NIBAN2: variants seen among roughly 807,000 people sequenced by gnomAD.
The protein encoded by NIBAN2 is protein Niban 2.
In NIBAN2, 36 loss-of-function variants were observed where a neutral mutation model predicts 81.8. That is an observed-to-expected ratio of 0.44 (90% CI 0.34 to 0.58). The LOEUF (loss-of-function observed/expected upper bound fraction) is 0.58, where lower values mean the gene tolerates loss of function less well. NIBAN2 is among the 20% of genes least tolerant of loss of function. NIBAN2 has a pLI of 0.02. For missense variants in NIBAN2, 897 were observed against 1,014.1 expected, an observed-to-expected ratio of 0.88 and a Z score of 1.57; for synonymous variants, 445 against 441.6, an observed-to-expected ratio of 1.01 and a Z score of -0.10.
Position 127,517,967 on chromosome 9 carries a change from G to A in NIBAN2, c.590-26C>T. The stretch of plus-strand genomic sequence containing the variant: ...CTGCCCAGGAGACGGAGGGAGAGAG[G>A]AGGTCAGCAGATGGCCCAGTGGCCT... On this transcript the variant is annotated intron_variant, in intron 5 of 13. Transcript: ENST00000373312. This position sits in a 1 kb window ranked among gnomAD's most constrained non-coding sequence, Gnocchi z 4.0. The A allele has an allele frequency of 6.6e-7, 1 of 1,505,062 alleles. No homozygotes were observed. Among genetic ancestry groups the A allele is most frequent in the Non-Finnish European group, 9.0e-7 (1 of 1,106,014 alleles). 93.2% of individuals were successfully genotyped at this position (1,505,062 alleles called of 1,614,324 possible).
At chr9:127,519,419 C>T (rs1836894290) in intron 5 of NIBAN2, among the ~76,000 whole-genome samples, 1 of 152,166 alleles carries the variant, frequency 6.6e-6, no homozygotes, top group Admixed American at 6.5e-5. Flanking sequence ...AGCAGGCAGA[C>T]TCCCCTGGCC....
intron 1 of NIBAN2, among the ~76,000 whole-genome samples, chr9:127,574,964 A>G (rs1382266469): frequency 6.6e-6 from 1 of 152,168 alleles, no homozygotes; most frequent in Non-Finnish European, 1.5e-5. Context: ...AGTCCAGGGA[A>G]CTGGCCTCCC....
chr9:127,540,256 AG>A, intron 1 of NIBAN2, among the ~76,000 whole-genome samples: 1 of 152,326 alleles, frequency 6.6e-6, no homozygotes, highest in East Asian at 1.9e-4. Context: ...GGGAGGCCCC[AG>A]GGTGGCCTGG....
intron 8 of NIBAN2, among the ~76,000 whole-genome samples, chr9:127,514,057 T>C (rs1836781577): frequency 1.3e-5 from 2 of 152,122 alleles, no homozygotes; most frequent in Admixed American, 6.5e-5. Flanking sequence ...TCACTTGACG[T>C]CAGGAGTTTG....
chr9:127,516,522 C>T (rs2132163776), intron 8 of NIBAN2, among the ~76,000 whole-genome samples: 2 of 152,290 alleles, frequency 1.3e-5, no homozygotes, highest in Middle Eastern at 6.8e-3. Flanking sequence ...ACATTCCAGC[C>T]TGGGTGACAG....
intron 1 of NIBAN2, among the ~76,000 whole-genome samples, chr9:127,542,562 G>A (rs1045754030): frequency 5.2e-5 from 8 of 152,384 alleles, no homozygotes; most frequent in Middle Eastern, 3.4e-3. Flanking sequence ...CGGAAACGGA[G>A]GCTGACATCG....
chr9:127,573,806 T>C (rs1305974395), upstream of NIBAN2, among the ~76,000 whole-genome samples: 1 of 152,122 alleles, frequency 6.6e-6, no homozygotes, highest in African/African-American at 2.4e-5. Flanking sequence ...TACAGGCACC[T>C]GCCACCACGC....
rs1380528072 is a variant in NIBAN2, at chr9:127,559,385, T to C, written c.55+9435A>G. Among the ~76,000 whole-genome samples, 9 of 152,128 alleles carry C rather than the reference T, an allele frequency of 5.9e-5. No homozygotes were observed. Among genetic ancestry groups the C allele is most frequent in the African/African-American group, 1.7e-4 (7 of 41,432 alleles). On this transcript the variant is annotated intron_variant, in intron 1 of 13. Transcript: ENST00000373312. The surrounding 1 kb of genome is among the most constrained non-coding windows in gnomAD (Gnocchi z 4.0). ...TGGAAGTGCATGCCCGTTGCACAGA[T>C]AGGCAAAGTGAGGAGGAGGCACAGA...
rs1836710448 is a variant in NIBAN2, at chr9:127,510,287, C to A, written c.1020G>T (p.Gln340His). 1 of 1,613,954 alleles carries A rather than the reference C, an allele frequency of 6.2e-7. No homozygotes were observed. Among genetic ancestry groups the A allele is most frequent in the African/African-American group, 1.3e-5 (1 of 74,930 alleles). The change falls in exon 9 of 14, where the codon CAG (glutamine) becomes CAT (histidine). Residue 340 changes from glutamine (Q) to histidine (H), a missense_variant. Physicochemically the swap from Gln to His is conservative, Grantham distance 24. Coordinates refer to ENST00000373312, the MANE Select transcript of NIBAN2 (RefSeq NM_022833.4). ...CCTCCAGGATGGATGGGATGTAGGG[C>A]TGGACATGGTTCCGCACGCACACCT... The part of the protein sequence containing the change: ...KAEVCVRNHV[Q>H]PYIPSILEAL...
intron 1 of NIBAN2, among the ~76,000 whole-genome samples, chr9:127,540,532 T>C (rs1166881694): frequency 6.6e-6 from 1 of 152,170 alleles, no homozygotes; most frequent in Non-Finnish European, 1.5e-5. Flanking sequence ...CCCCGATTCT[T>C]CAACTCAACC....
intron 1 of NIBAN2, among the ~76,000 whole-genome samples, chr9:127,565,965 C>G (rs1837852323): frequency 6.6e-6 from 1 of 150,686 alleles, no homozygotes; most frequent in Non-Finnish European, 1.5e-5. Flanking sequence ...CACACACACA[C>G]ACACACACAC....
At chr9:127,560,682 C>G (rs185923523) in intron 1 of NIBAN2, among the ~76,000 whole-genome samples, 1 of 152,176 alleles carries the variant, frequency 6.6e-6, no homozygotes, top group Non-Finnish European at 1.5e-5. Flanking sequence ...TGTGTAGCTG[C>G]GTGTCCCTGG....
intron 1 of NIBAN2, among the ~76,000 whole-genome samples, chr9:127,542,483 C>T (rs1413361691): frequency 6.6e-6 from 1 of 152,208 alleles, no homozygotes; most frequent in African/African-American, 2.4e-5. Flanking sequence ...CAGGCCAGAC[C>T]CACCCCCAAA....
rs1554768666 is a variant in NIBAN2, at chr9:127,552,694, T to TTG, written c.55+16125_55+16126insCA. 1.3e-3 allele frequency among the ~76,000 whole-genome samples: 184 copies of TTG among 141,732 alleles called. 1 individual carries two copies. Among genetic ancestry groups the TTG allele is most frequent in the African/African-American group, 4.4e-3 (166 of 37,936 alleles). 93.0% of individuals were successfully genotyped at this position (141,732 alleles called of 152,430 possible). Reference sequence around the variant, plus strand: ...CGTAATGGAATATTCGTTTTTTTTTTTTTTTTTTTTTTGAGACAGAGTCTT... The same window carrying TTG: ...CGTAATGGAATATTCGTTTTTTTTTTTGTTTTTTTTTTTTGAGACAGAGTCTT... On this transcript the variant is annotated intron_variant, in intron 1 of 13. Transcript: ENST00000373312.
At chr9:127,523,029 C>T (rs1011244731) in intron 5 of NIBAN2, among the ~76,000 whole-genome samples, 1 of 151,190 alleles carries the variant, frequency 6.6e-6, no homozygotes, top group Non-Finnish European at 1.5e-5. Flanking sequence ...TAAATCTGGG[C>T]CTCCTCAGAG....
chr9:127,550,488 C>T (rs1837556489), intron 1 of NIBAN2, among the ~76,000 whole-genome samples: 1 of 152,256 alleles, frequency 6.6e-6, no homozygotes, highest in African/African-American at 2.4e-5. Context: ...AGGGCAGGGA[C>T]CCTGTCTGTC....
intron 1 of NIBAN2, among the ~76,000 whole-genome samples, chr9:127,578,763 G>A (rs1329858601): frequency 6.6e-6 from 1 of 151,932 alleles, no homozygotes; most frequent in Non-Finnish European, 1.5e-5. Context: ...AGGTCAAGAA[G>A]TGAGGATCCC....
intron 9 of NIBAN2, chr9:127,509,769 TCTCCCCTCCTCTCCTTCCCTC>T (rs1836692402): frequency 2.0e-5 from 2 of 101,842 alleles, no homozygotes; most frequent in African/African-American, 8.5e-5. Context: ...CGCCCTTCCC[TCTCCCCTCCTCTCCTTCCCTC>T]CTTCCCTCCT....
chr9:127,511,667 T>C (rs568091734), intron 8 of NIBAN2, among the ~76,000 whole-genome samples: 1 of 152,298 alleles, frequency 6.6e-6, no homozygotes, highest in South Asian at 2.1e-4. Flanking sequence ...AAAACTGCCA[T>C]CTGACAAGAG....
Sources: allele counts gnomAD v4.1 joint callset (sites outside exome capture counted in the v4.1 genomes callset), GRCh38; gene constraint gnomAD v4.1.1; non-coding constraint Gnocchi (gnomAD v3.1); transcripts MANE v1.5; gene names NCBI Gene and HGNC (gene_info 2026-07-23, HGNC 2026-07-21).